PRMT8: variants seen among roughly 807,000 people sequenced by gnomAD.
PRMT8 encodes the protein protein arginine N-methyltransferase 8.
In PRMT8, 7 loss-of-function variants were observed where a neutral mutation model predicts 47.1. The ratio of observed to expected loss-of-function variants is 0.15; its 90% CI spans 0.08 to 0.28. PRMT8 has a LOEUF of 0.28. PRMT8 is among the 10% of genes least tolerant of loss of function. The pLI is 1.00. For missense variants in PRMT8, 237 were observed against 505.4 expected (o/e 0.47, Z 5.09); for synonymous variants, 188 against 186.5 (o/e 1.01, Z -0.07).
At chr12:3,560,462 G>A (rs778148814) in intron 4 of PRMT8, among the ~76,000 whole-genome samples, 73 of 152,276 alleles carry the variant, frequency 4.8e-4, no homozygotes, top group Non-Finnish European at 6.8e-4. Context: ...CCACACGCGC[G>A]CTTCAGTGAC....
At chr12:3,412,720 A>G (rs1490248186) in intron 1 of PRMT8, among the ~76,000 whole-genome samples, 1 of 152,076 alleles carries the variant, frequency 6.6e-6, no homozygotes, top group African/African-American at 2.4e-5. Flanking sequence ...AATAATCCCC[A>G]TGTGTCAAGG....
At chr12:3,578,092 C>G (rs1019627035) in intron 7 of PRMT8, among the ~76,000 whole-genome samples, 3 of 147,956 alleles carry the variant, frequency 2.0e-5, no homozygotes, top group Admixed American at 6.7e-5. Flanking sequence ...AAAATAGAGA[C>G]ATCAATTTCA....
At chr12:3,498,105 T>C (rs1865536335) in intron 1 of PRMT8, among the ~76,000 whole-genome samples, 1 of 152,216 alleles carries the variant, frequency 6.6e-6, no homozygotes, top group African/African-American at 2.4e-5. Context: ...AGCTCTGACC[T>C]TCTTGTAGAA....
intron 1 of PRMT8, among the ~76,000 whole-genome samples, chr12:3,536,191 C>T (rs1022948736): frequency 1.3e-5 from 2 of 152,208 alleles, no homozygotes; most frequent in Non-Finnish European, 2.9e-5. Flanking sequence ...AAAAGCATCA[C>T]CCCATGTAGC....
chr12:3,409,574 TG>T lies in PRMT8; in HGVS notation c.48+28136del, dbSNP rs71061114. 0.31 allele frequency among the ~76,000 whole-genome samples: 46,353 copies of T among 151,886 alleles called. 8,115 individuals are homozygous for T. Among genetic ancestry groups the T allele is most frequent in the African/African-American group, 0.48 (19,838 of 41,392 alleles). ...TGGGGTGCTTCAGCAGCTCCGAATC[TG>T]GGGTGGCTAGTCTAGTTCCAGGGAG... is the stretch of plus-strand genomic sequence containing the variant. On this transcript the variant is annotated intron_variant, in intron 1 of 9. Transcript: ENST00000452611. This position sits in a 1 kb window ranked among gnomAD's most constrained non-coding sequence, Gnocchi z 4.4.
chr12:3,589,944 G>T (rs769769836), intron 8 of PRMT8, among the ~76,000 whole-genome samples: 12 of 152,174 alleles, frequency 7.9e-5, no homozygotes, highest in Non-Finnish European at 1.8e-4. Context: ...AGGTGGAAGT[G>T]GGGGCGAGAG....
intron 7 of PRMT8, among the ~76,000 whole-genome samples, chr12:3,578,101 C>T (rs1866981904): frequency 6.6e-6 from 1 of 152,098 alleles, no homozygotes; most frequent in Admixed American, 6.5e-5. Flanking sequence ...ACATCAATTT[C>T]ATATAATTCA....
At chr12:3,525,863 A>G (rs1285061906) in intron 1 of PRMT8, among the ~76,000 whole-genome samples, 3 of 152,162 alleles carry the variant, frequency 2.0e-5, no homozygotes, top group African/African-American at 7.2e-5. Context: ...TTTTATTTTG[A>G]TAAAATACAC....
At chr12:3,486,123 G>T (rs1426420583) in intron 1 of PRMT8, among the ~76,000 whole-genome samples, 1 of 152,070 alleles carries the variant, frequency 6.6e-6, no homozygotes, top group East Asian at 1.9e-4. Context: ...AGTTTCCAAG[G>T]CATACAAGAA....
intron 1 of PRMT8, among the ~76,000 whole-genome samples, chr12:3,466,878 A>G (rs1043335870): frequency 6.6e-6 from 1 of 152,206 alleles, no homozygotes; most frequent in Non-Finnish European, 1.5e-5. Flanking sequence ...TCTCAAATGA[A>G]CAATCTCATT....
At chr12:3,522,284 A>G (rs983460282) in intron 1 of PRMT8, among the ~76,000 whole-genome samples, 4 of 152,184 alleles carry the variant, frequency 2.6e-5, no homozygotes, top group Non-Finnish European at 4.4e-5. Flanking sequence ...TCCTTAGGTT[A>G]AAAGGACTTC....
At chr12:3,434,754 T>TTG (rs953303300) in intron 1 of PRMT8, among the ~76,000 whole-genome samples, 3 of 151,106 alleles carry the variant, frequency 2.0e-5, no homozygotes, top group Non-Finnish European at 3.0e-5. Flanking sequence ...CCATCTTTTT[T>TTG]TTTTTTAAAC....
chr12:3,439,937 G>C (rs568545741), intron 1 of PRMT8, among the ~76,000 whole-genome samples: 3 of 152,130 alleles, frequency 2.0e-5, no homozygotes, highest in Admixed American at 6.5e-5. Flanking sequence ...AGTATGAGTC[G>C]GGCACCACGG....
At chr12:3,530,583 A>T (rs1866014630) in intron 1 of PRMT8, among the ~76,000 whole-genome samples, 1 of 152,156 alleles carries the variant, frequency 6.6e-6, no homozygotes, top group African/African-American at 2.4e-5. Context: ...AATGATGGCT[A>T]CCTTCCTAAA....
In PRMT8 at chr12:3,409,633, G is replaced by A. The variant is rs1022522294; in HGVS notation, c.48+28191G>A. On this transcript the variant is annotated intron_variant, in intron 1 of 9. Coordinates refer to the PRMT8 transcript ENST00000452611. The surrounding 1 kb of genome is among the most constrained non-coding windows in gnomAD (Gnocchi z 4.4). The stretch of plus-strand genomic sequence containing the variant: ...TTTCCACTTGTTTGGCCTGGGGGCG[G>A]GGGTGAGGTGTCCCATCTCAGTCAA... Among the ~76,000 whole-genome samples, 8 of 152,136 alleles carry A rather than the reference G, an allele frequency of 5.3e-5. No individual in the cohort carries two copies. The highest frequency in any genetic ancestry group is 1.2e-4 in the Non-Finnish European group (8 of 68,028).
intron 1 of PRMT8, among the ~76,000 whole-genome samples, chr12:3,429,187 G>A (rs1864645259): frequency 1.3e-5 from 2 of 152,156 alleles, no homozygotes; most frequent in South Asian, 2.1e-4. Flanking sequence ...AAGTGTCTAT[G>A]TACAGGAACT....
At chr12:3,462,148 G>A (rs983073636) in intron 1 of PRMT8, among the ~76,000 whole-genome samples, 1 of 151,896 alleles carries the variant, frequency 6.6e-6, no homozygotes, top group African/African-American at 2.4e-5. Context: ...GCGGTATTTG[G>A]TTTTCTGTTC....
intron 4 of PRMT8, among the ~76,000 whole-genome samples, chr12:3,567,408 C>T (rs1285007040): frequency 1.3e-5 from 2 of 152,218 alleles, no homozygotes; most frequent in Non-Finnish European, 2.9e-5. Flanking sequence ...TCCTCCCTCA[C>T]AAACACTAGA....
intron 4 of PRMT8, among the ~76,000 whole-genome samples, chr12:3,556,041 G>A (rs905827087): frequency 1.3e-5 from 2 of 152,056 alleles, no homozygotes; most frequent in East Asian, 3.9e-4. Flanking sequence ...TTGGCTGGAG[G>A]TGAAGTACTC....
Sources: allele counts gnomAD v4.1 joint callset (sites outside exome capture counted in the v4.1 genomes callset), GRCh38; gene constraint gnomAD v4.1.1; non-coding constraint Gnocchi (gnomAD v3.1); transcripts MANE v1.5; gene names NCBI Gene and HGNC (gene_info 2026-07-23, HGNC 2026-07-21).